The following SAMD4A variants were observed in gnomAD, a reference collection of about 807,000 sequenced individuals.
SAMD4A encodes the protein protein Smaug homolog 1.
Under a neutral mutation model 81.3 loss-of-function variants are expected in SAMD4A, and 33 were observed. That is an observed-to-expected ratio of 0.41 (90% confidence interval 0.31 to 0.54). The LOEUF is 0.54. Among genes scored for constraint, SAMD4A ranks in the 20% least tolerant of loss-of-function variants. The pLI is 0.37. For missense variants in SAMD4A, 854 were observed against 951.1 expected (o/e 0.90, Z 1.34); for synonymous variants, 389 against 382.1 (o/e 1.02, Z -0.21).
chr14:54,753,970 C>T (rs888459969), intron 6 of SAMD4A, among the ~76,000 whole-genome samples: 14 of 152,130 alleles, frequency 9.2e-5, no homozygotes, highest in East Asian at 5.8e-4. Flanking sequence ...TTAGAAAGTA[C>T]GGAAAACATT....
At chr14:54,722,486 CTT>C (rs1340051485) in intron 3 of SAMD4A, among the ~76,000 whole-genome samples, 2 of 152,132 alleles carry the variant, frequency 1.3e-5, no homozygotes, top group Admixed American at 1.3e-4. Flanking sequence ...AGATCACAGA[CTT>C]TATTTTTTTA....
At chr14:54,694,903 T>C in intron 2 of SAMD4A, 1 of 985,446 alleles carries the variant, frequency 1.0e-6, no homozygotes, top group Non-Finnish European at 1.2e-6. Flanking sequence ...ATGGAAGAAA[T>C]GACCAGATCT....
At chr14:54,783,980 G>A (rs2039069238) in intron 11 of SAMD4A, among the ~76,000 whole-genome samples, 1 of 152,188 alleles carries the variant, frequency 6.6e-6, no homozygotes, top group Non-Finnish European at 1.5e-5. Context: ...TGTGGGCGAA[G>A]GCTATGAAGA....
intron 3 of SAMD4A, among the ~76,000 whole-genome samples, chr14:54,704,532 T>A (rs2036804750): frequency 1.3e-5 from 2 of 152,216 alleles, no homozygotes. Flanking sequence ...CAAGCACCTA[T>A]TTCTGGCTGT....
At chr14:54,574,659 G>T (rs142707421) in intron 2 of SAMD4A, among the ~76,000 whole-genome samples, 6 of 152,282 alleles carry the variant, frequency 3.9e-5, no homozygotes, top group African/African-American at 1.4e-4. Flanking sequence ...TTTTCATCCC[G>T]CTTAAGTATG....
intron 2 of SAMD4A, among the ~76,000 whole-genome samples, chr14:54,685,450 C>T (rs1244396637): frequency 6.6e-6 from 1 of 152,190 alleles, no homozygotes; most frequent in East Asian, 1.9e-4. Flanking sequence ...CTTGTTGAGG[C>T]TGAAGAGGAT....
intron 2 of SAMD4A, among the ~76,000 whole-genome samples, chr14:54,594,835 T>C (rs2033871124): frequency 1.3e-5 from 2 of 152,248 alleles, no homozygotes; most frequent in Non-Finnish European, 1.5e-5. Context: ...GACGGAAATA[T>C]GCATGGCTGA....
chr14:54,661,872 G>C (rs957273443), intron 2 of SAMD4A, among the ~76,000 whole-genome samples: 5 of 152,092 alleles, frequency 3.3e-5, no homozygotes, highest in African/African-American at 1.2e-4. Flanking sequence ...TGAGAGAGCA[G>C]AACTCACAGG....
rs182178043 is a variant in SAMD4A at position 54,729,999 on chromosome 14, A to G, written c.716-7025A>G. ...CTGGATGACACCCAGTTTTGCCATT[A>G]TAGAGGCTGACAAAAGAGGACAGAT... On this transcript the variant is annotated intron_variant, in intron 3 of 12. Transcript: ENST00000554335. Among the ~76,000 whole-genome samples the G allele has an allele frequency of 1.5e-4, 23 of 152,370 alleles. 1 individual carries two copies. The highest frequency in any genetic ancestry group is 1.5e-3 in the Admixed American group (23 of 15,300).
chr14:54,681,175 TCCAGCCCC>T (rs1191587959), intron 2 of SAMD4A, among the ~76,000 whole-genome samples: 212 of 74,870 alleles, frequency 2.8e-3, no homozygotes, highest in African/African-American at 0.011. Flanking sequence ...AGACCCCCCC[TCCAGCCCC>T]CCAGCCCCCC....
chr14:54,667,828 T>C (rs2035788706), intron 2 of SAMD4A, among the ~76,000 whole-genome samples: 1 of 152,208 alleles, frequency 6.6e-6, no homozygotes, highest in Non-Finnish European at 1.5e-5. Context: ...CCTTTGCTTA[T>C]GTTGTCTTCT....
intron 4 of SAMD4A, 48 bp from the exon 5 acceptor site, chr14:54,748,767 C>T: frequency 7.9e-7 from 1 of 1,273,046 alleles, no homozygotes; most frequent in Non-Finnish European, 1.1e-6. Flanking sequence ...CATCTCTTCT[C>T]ATTCCCTCTC....
chr14:54,788,028 C>T (rs1485765938), intron 12 of SAMD4A, among the ~76,000 whole-genome samples: 1 of 152,164 alleles, frequency 6.6e-6, no homozygotes, highest in Non-Finnish European at 1.5e-5. Flanking sequence ...TCTCTGTAGC[C>T]TGGGTCATCC....
intron 2 of SAMD4A, among the ~76,000 whole-genome samples, chr14:54,587,565 A>C (rs918798875): frequency 6.6e-6 from 1 of 151,276 alleles, no homozygotes; most frequent in African/African-American, 2.4e-5. Context: ...TGTGGCTTCT[A>C]TGCCAATTTT....
intron 2 of SAMD4A, among the ~76,000 whole-genome samples, chr14:54,665,222 T>G (rs553623010): frequency 6.6e-6 from 1 of 152,356 alleles, no homozygotes; most frequent in Admixed American, 6.5e-5. Context: ...GAATGTGCTA[T>G]AATTAAGGCT....
intron 2 of SAMD4A, among the ~76,000 whole-genome samples, chr14:54,687,573 G>T (rs1006245805): frequency 6.6e-6 from 1 of 152,202 alleles, no homozygotes; most frequent in Non-Finnish European, 1.5e-5. Context: ...GAGCATCTGG[G>T]CCGGCGATGC....
At position 54,701,338 on chromosome 14, in the gene SAMD4A, A is replaced by G. The variant is rs147868752; in HGVS notation, c.197-724A>G. Among the ~76,000 whole-genome samples the G allele has an allele frequency of 1.8e-4, 28 of 152,304 alleles. 1 individual carries two copies. In the East Asian group the frequency reaches 5.2e-3, roughly 28 times the overall value. On this transcript the variant is annotated intron_variant, in intron 2 of 12. Transcript: ENST00000554335. Reference sequence around the variant, plus strand: ...CTAATGCCACTGAACATCCACTTAAATATGATTAAAATGATCAATGTTATG... The same window carrying G: ...CTAATGCCACTGAACATCCACTTAAGTATGATTAAAATGATCAATGTTATG...
chr14:54,665,839 G>A (rs142660235), intron 2 of SAMD4A, among the ~76,000 whole-genome samples: 194 of 152,246 alleles, frequency 1.3e-3, no homozygotes, highest in African/African-American at 4.5e-3. Flanking sequence ...CCTGCCTGAT[G>A]TTTCAGGCTT....
At chr14:54,753,922 TG>T (rs2038174206) in intron 6 of SAMD4A, among the ~76,000 whole-genome samples, 1 of 152,232 alleles carries the variant, frequency 6.6e-6, no homozygotes, top group African/African-American at 2.4e-5. Context: ...CCATTCTCTT[TG>T]GGGGAACATT....
Sources: allele counts gnomAD v4.1 joint callset (sites outside exome capture counted in the v4.1 genomes callset), GRCh38; gene constraint gnomAD v4.1.1; transcripts MANE v1.5; gene names NCBI Gene and HGNC (gene_info 2026-07-23, HGNC 2026-07-21).